PTER: variants seen among roughly 807,000 people sequenced by gnomAD.
The protein encoded by PTER is phosphotriesterase related.
Under a neutral mutation model 29.6 loss-of-function variants are expected in PTER, and 38 were observed. That is an observed-to-expected ratio of 1.28 (90% CI 0.99 to 1.68). The LOEUF (loss-of-function observed/expected upper bound fraction) is 1.68, where lower values mean the gene tolerates loss of function less well. PTER is among the 40% of genes most tolerant of loss of function. The probability of loss-of-function intolerance (pLI) is 0.00; values close to 1 mark genes in which losing one functional copy is unlikely to be tolerated. For missense variants in PTER, 482 were observed against 427.8 expected, an observed-to-expected ratio of 1.13 and a Z score of -1.12; for synonymous variants, 172 against 154.5, an observed-to-expected ratio of 1.11 and a Z score of -0.84.
chr10:16,515,169 G>T (rs1431378073), downstream of PTER, among the ~76,000 whole-genome samples: 1 of 151,046 alleles, frequency 6.6e-6, no homozygotes, highest in Non-Finnish European at 1.5e-5. Context: ...GAAAATTGAG[G>T]TATGTAATAG....
At chr10:16,459,071 A>G (rs1201943614) in intron 1 of PTER, among the ~76,000 whole-genome samples, 1 of 152,204 alleles carries the variant, frequency 6.6e-6, no homozygotes, top group Non-Finnish European at 1.5e-5. Flanking sequence ...CTATATTAGC[A>G]TCTCTGGGTA....
At position 16,449,428 on chromosome 10, in the gene PTER, C is replaced by CTTTT. The variant is rs35475659; in HGVS notation, c.-49+12399_-49+12402dup. 7.2e-3 allele frequency among the ~76,000 whole-genome samples: 733 copies of CTTTT among 101,802 alleles called. 5 individuals are homozygous for CTTTT. Among genetic ancestry groups the CTTTT allele is most frequent in the Middle Eastern group, 9.6e-3 (1 of 104 alleles). 66.8% of individuals were successfully genotyped at this position (101,802 alleles called of 152,430 possible). A position where few individuals can be genotyped will look rare whatever the true frequency, so the allele number is the denominator to read the frequency against. Reference sequence around the variant, plus strand: ...GGATAAGGGTTTCAACAATAATTTTCTTTTTTTTTTTTTTTTTTTTTGAGA... The same window carrying CTTTT: ...GGATAAGGGTTTCAACAATAATTTTCTTTTTTTTTTTTTTTTTTTTTTTTTGAGA... On this transcript the variant is annotated intron_variant, in intron 1 of 4. Coordinates refer to ENST00000535784, the MANE Select transcript of PTER (RefSeq NM_001261836.2).
chr10:16,449,428 C>CTTTTTT (rs35475659), intron 1 of PTER, among the ~76,000 whole-genome samples: 38 of 101,856 alleles, frequency 3.7e-4, no homozygotes, highest in African/African-American at 4.7e-4. Flanking sequence ...CAATAATTTT[C>CTTTTTT]TTTTTTTTTT....
chr10:16,438,920 C>CCA (rs1442961842), intron 1 of PTER, among the ~76,000 whole-genome samples: 7 of 101,394 alleles, frequency 6.9e-5, no homozygotes, highest in African/African-American at 2.6e-4. Flanking sequence ...GACTCTGTCT[C>CCA]AAAAAAAAAA....
chr10:16,455,293 G>GA (rs1160780566), intron 1 of PTER, among the ~76,000 whole-genome samples: 1 of 152,082 alleles, frequency 6.6e-6, no homozygotes, highest in African/African-American at 2.4e-5. Context: ...CCAAGGGCCA[G>GA]AAAAAAGAGA....
chr10:16,475,304 G>C (rs951422369), intron 1 of PTER, among the ~76,000 whole-genome samples: 4 of 152,246 alleles, frequency 2.6e-5, no homozygotes, highest in South Asian at 4.2e-4. Context: ...GACATCATTT[G>C]GGATCTTGGC....
chr10:16,455,082 A>G (rs1834347750), intron 1 of PTER, among the ~76,000 whole-genome samples: 1 of 151,762 alleles, frequency 6.6e-6, no homozygotes, highest in African/African-American at 2.4e-5. Context: ...TACACAAATT[A>G]CCTGGGCATG....
intron 3 of PTER, among the ~76,000 whole-genome samples, chr10:16,500,287 C>T (rs1026011605): frequency 1.3e-5 from 2 of 148,304 alleles, no homozygotes; most frequent in African/African-American, 4.9e-5. Flanking sequence ...TGCAGCAGTG[C>T]GACCCAGGCT....
intron 1 of PTER, among the ~76,000 whole-genome samples, chr10:16,441,507 T>C (rs1161151581): frequency 6.6e-6 from 1 of 152,216 alleles, no homozygotes; most frequent in Non-Finnish European, 1.5e-5. Flanking sequence ...TTCACTCTTT[T>C]ATTCTGAGTT....
intron 4 of PTER, among the ~76,000 whole-genome samples, chr10:16,510,634 G>T (rs1836774042): frequency 6.6e-6 from 1 of 152,194 alleles, no homozygotes; most frequent in Non-Finnish European, 1.5e-5. Flanking sequence ...GATAAAAGGA[G>T]AGAGCAAGAA....
chr10:16,442,302 G>T (rs904680735), intron 1 of PTER, among the ~76,000 whole-genome samples: 8 of 152,124 alleles, frequency 5.3e-5, no homozygotes, highest in African/African-American at 1.7e-4. Context: ...AATTCGACAT[G>T]TCTCATCTCC....
intron 1 of PTER, among the ~76,000 whole-genome samples, chr10:16,450,870 G>C (rs1004685478): frequency 2.6e-5 from 4 of 152,172 alleles, no homozygotes; most frequent in African/African-American, 9.7e-5. Context: ...CTCATGAGTG[G>C]TGAATCAGGA....
At chr10:16,485,103 A>C (rs1439869448) in intron 2 of PTER, among the ~76,000 whole-genome samples, 2 of 152,188 alleles carry the variant, frequency 1.3e-5, no homozygotes, top group African/African-American at 4.8e-5. Context: ...TAATAGTTAG[A>C]TTTGTGTGTA....
chr10:16,486,741 A>G (rs1196896607), intron 3 of PTER, 124 bp downstream of exon 3: 2 of 1,106,242 alleles, frequency 1.8e-6, no homozygotes, highest in African/African-American at 3.2e-5. Context: ...AACTATATGG[A>G]AGGTAGTATT....
At chr10:16,491,024 A>C (rs692375) in intron 3 of PTER, among the ~76,000 whole-genome samples, 1 of 152,118 alleles carries the variant, frequency 6.6e-6, no homozygotes, top group South Asian at 2.1e-4. Flanking sequence ...TTTTCTGTTA[A>C]ACAATAAAGA....
At chr10:16,481,127 A>G (rs1564398900) in intron 1 of PTER, among the ~76,000 whole-genome samples, 1 of 152,316 alleles carries the variant, frequency 6.6e-6, no homozygotes, top group East Asian at 1.9e-4. Flanking sequence ...CAAATTTCAC[A>G]TTTGAAGTGC....
chr10:16,499,946 T>G (rs1292986348), intron 3 of PTER, among the ~76,000 whole-genome samples: 1 of 151,892 alleles, frequency 6.6e-6, no homozygotes, highest in Non-Finnish European at 1.5e-5. Flanking sequence ...TCTCTGTGTT[T>G]CGTCTCAAAC....
rs779309841 is a variant in PTER, at chr10:16,510,912, C to T, written c.840-134C>T. On this transcript the variant is annotated intron_variant, in intron 4 of 4. Coordinates refer to ENST00000535784, the MANE Select transcript of PTER (RefSeq NM_001261836.2). The stretch of plus-strand genomic sequence containing the variant: ...ACCACACAATATTTATTAAAGGTCT[C>T]TCAGTACACACGCCACAGTAGAAGT... The T allele has an allele frequency of 4.3e-6, 3 of 700,648 alleles. No homozygotes were observed. In the South Asian group the frequency reaches 5.3e-5, roughly 12 times the overall value. 43.4% of individuals were successfully genotyped at this position (700,648 alleles called of 1,614,324 possible).
At position 16,494,750 on chromosome 10, in the gene PTER, A is replaced by G. The variant is rs1201406531; in HGVS notation, c.698+8133A>G. Among the ~76,000 whole-genome samples, 4 of 152,196 alleles carry G rather than the reference A, an allele frequency of 2.6e-5. 1 individual carries two copies. The East Asian group carries it at 7.7e-4, about 29-fold the overall frequency. On this transcript the variant is annotated intron_variant, in intron 3 of 4. Coordinates refer to ENST00000535784, the MANE Select transcript of PTER (RefSeq NM_001261836.2). ...TTTAGACCACACATTAAAAACTTAC[A>G]TCATCTCTATTTACTTTCTATTTTT...
Sources: allele counts gnomAD v4.1 joint callset (sites outside exome capture counted in the v4.1 genomes callset), GRCh38; gene constraint gnomAD v4.1.1; transcripts MANE v1.5; gene names NCBI Gene and HGNC (gene_info 2026-07-23, HGNC 2026-07-21).